Variants in PPIG observed in about 807,000 individuals in gnomAD.
PPIG encodes the protein peptidylprolyl isomerase G, also known as peptidyl-prolyl cis-trans isomerase G.
PPIG carries 26 observed loss-of-function variants against 87.9 expected under a neutral mutation model. The observed-to-expected ratio is 0.30, with a 90% CI of 0.22 to 0.41. PPIG has a LOEUF of 0.41. Among genes scored for constraint, PPIG ranks in the 10% least tolerant of loss-of-function variants. The probability of loss-of-function intolerance (pLI) is 1.00; values close to 1 mark genes in which losing one functional copy is unlikely to be tolerated. For missense variants in PPIG, 722 were observed against 879.4 expected (o/e 0.82, Z 2.26); for synonymous variants, 308 against 276.5 (o/e 1.11, Z -1.13).
At chr2:169,607,005 C>A in intron 5 of PPIG, 99 bp from the exon 6 acceptor site, 6 of 766,680 alleles carry the variant, frequency 7.8e-6, no homozygotes, top group South Asian at 3.5e-5. Flanking sequence ...ATTGTTAATT[C>A]AAAATTATTC....
chr2:169,585,516 C>T (rs1484453043), intron 1 of PPIG, among the ~76,000 whole-genome samples: 1 of 152,054 alleles, frequency 6.6e-6, no homozygotes, highest in African/African-American at 2.4e-5. Context: ...ACCTCGGCCT[C>T]CCAAAGTGCT....
intron 9 of PPIG, among the ~76,000 whole-genome samples, chr2:169,626,854 C>T (rs921984858): frequency 1.3e-5 from 2 of 151,458 alleles, no homozygotes; most frequent in Non-Finnish European, 2.9e-5. Flanking sequence ...GAACTACAGG[C>T]GCCCATCACC....
intron 1 of PPIG, among the ~76,000 whole-genome samples, chr2:169,594,405 A>G (rs2105475602): frequency 6.6e-6 from 1 of 152,132 alleles, no homozygotes; most frequent in Admixed American, 6.5e-5. Flanking sequence ...AAATTGGAAA[A>G]CAAATACATT....
intron 9 of PPIG, 92 bp downstream of exon 9, chr2:169,614,816 T>C: frequency 7.3e-7 from 1 of 1,378,180 alleles, no homozygotes. Context: ...ATACTCAAGC[T>C]GAAAGAAAAA....
intron 12 of PPIG, chr2:169,633,540 T>C (rs1686111708): frequency 6.4e-6 from 3 of 465,670 alleles, no homozygotes; most frequent in Admixed American, 4.0e-5. Context: ...TTGTTAAAAA[T>C]AAATAAAAAT....
At chr2:169,627,139 C>T (rs1299062944) in intron 9 of PPIG, among the ~76,000 whole-genome samples, 1 of 152,220 alleles carries the variant, frequency 6.6e-6, no homozygotes. Context: ...TGCTTTGTCT[C>T]CCAGGCTGGA....
chr2:169,632,027 C>G lies in PPIG; in HGVS notation c.929+94C>G, dbSNP rs538161046. ...TTTTAAACAAGATTTAATTGGTGAC[C>G]TTGTCCCAAGATTGAAATCTTTTTT... On this transcript the variant is annotated intron_variant, in intron 11 of 13. Transcript: ENST00000260970. 11 of 1,311,616 alleles carry G rather than the reference C, an allele frequency of 8.4e-6. No homozygotes were observed. The Admixed American group carries it at 3.3e-4, about 40-fold the overall frequency. The allele number at this position is 1,311,616 out of a possible 1,614,324, so 81.2% of individuals were successfully genotyped here.
chr2:169,637,173 A>G lies in PPIG; in HGVS notation c.1915A>G (p.Arg639Gly), dbSNP rs1686203738. 2 of 1,613,212 alleles carry G rather than the reference A, an allele frequency of 1.2e-6. No homozygotes were observed. Among genetic ancestry groups the G allele is most frequent in the Middle Eastern group, 1.7e-4 (1 of 6,060 alleles). Reference sequence around the variant, plus strand: ...CTCAGAGAGAGAAGAAAGTCAAAGCAGAAACAAAGACAAATACAGAAACCA... The same window carrying G: ...CTCAGAGAGAGAAGAAAGTCAAAGCGGAAACAAAGACAAATACAGAAACCA... ...RSSEREESQS[R>G]NKDKYRNQES... Residue 639 changes from arginine (R) to glycine (G), a missense_variant, in exon 14 of 14, where the codon AGA becomes GGA. Arg to Gly is a moderately radical substitution (Grantham distance 125). This residue lies in a region of PPIG where 476 missense variants were observed against 483.1 expected (regional missense o/e 0.99). Coordinates refer to ENST00000260970, the MANE Select transcript of PPIG (RefSeq NM_004792.3).
At chr2:169,618,217 T>C (rs1194147148) in intron 9 of PPIG, among the ~76,000 whole-genome samples, 1 of 152,208 alleles carries the variant, frequency 6.6e-6, no homozygotes, top group Non-Finnish European at 1.5e-5. Context: ...TTAATCGTGG[T>C]GGATAAGCTT....
At chr2:169,633,980 C>T (rs1419714945) in intron 12 of PPIG, among the ~76,000 whole-genome samples, 1 of 151,906 alleles carries the variant, frequency 6.6e-6, no homozygotes, top group East Asian at 1.9e-4. Flanking sequence ...AGGCACATGC[C>T]ACCATGCCCG....
At chr2:169,618,714 T>C (rs1240260350) in intron 9 of PPIG, among the ~76,000 whole-genome samples, 1 of 152,174 alleles carries the variant, frequency 6.6e-6, no homozygotes, top group Non-Finnish European at 1.5e-5. Flanking sequence ...CTTTATCATT[T>C]TTTATTGTGT....
intron 1 of PPIG, among the ~76,000 whole-genome samples, chr2:169,599,957 ATTTAC>A (rs1188726642): frequency 3.9e-5 from 6 of 151,974 alleles, no homozygotes; most frequent in Non-Finnish European, 8.8e-5. Context: ...TATCTCCATT[ATTTAC>A]TTCATTAGTG....
At chr2:169,618,586 G>A (rs1685663131) in intron 9 of PPIG, among the ~76,000 whole-genome samples, 1 of 152,174 alleles carries the variant, frequency 6.6e-6, no homozygotes, top group South Asian at 2.1e-4. Flanking sequence ...TCTTGGAAGG[G>A]TGTATGTGTC....
intron 4 of PPIG, 47 bp downstream of exon 4, chr2:169,604,308 T>TGGCG: frequency 9.8e-7 from 1 of 1,023,470 alleles, no homozygotes; most frequent in Non-Finnish European, 1.4e-6. Flanking sequence ...CAGTTGACTA[T>TGGCG]GGCTTGCTTG....
Position 169,630,906 on chromosome 2 carries a change from CAAAGA to C in PPIG, c.689_693del (p.Arg230LysfsTer26). On this transcript the variant is annotated frameshift_variant, in exon 10 of 14. Transcript: ENST00000260970. LOFTEE classifies it high-confidence loss of function. ...TCCGAAAGTGCTACTGAAGAGAAAT[CAAAGA>C]AAAGAAAAAAGAAACATCGGAAAAA... 6.2e-7 allele frequency: 1 copy of C among 1,601,528 alleles called. No homozygotes were observed. Among genetic ancestry groups the C allele is most frequent in the Non-Finnish European group, 8.5e-7 (1 of 1,176,792 alleles).
rs1043926184 is a variant in PPIG at position 169,641,336 on chromosome 2, A to C, written c.*3813A>C. 1 of 152,204 alleles carries C rather than the reference A, an allele frequency of 6.6e-6. No individual in the cohort carries two copies. The highest frequency in any genetic ancestry group is 2.4e-5 in the African/African-American group (1 of 41,458). The allele number at this position is 152,204 out of a possible 1,614,324, so 9.4% of individuals were successfully genotyped here. A position where few individuals can be genotyped will look rare whatever the true frequency, so the allele number is the denominator to read the frequency against. Reference sequence around the variant, plus strand: ...ACTTTTCTGCAAACTGCATTTTACAAAATTGAAACTTGGAAGCTGTATTAA... The same window carrying C: ...ACTTTTCTGCAAACTGCATTTTACACAATTGAAACTTGGAAGCTGTATTAA... On this transcript the variant is annotated 3_prime_UTR_variant, in exon 14 of 14. Coordinates refer to ENST00000260970, the MANE Select transcript of PPIG (RefSeq NM_004792.3).
intron 1 of PPIG, 144 bp downstream of exon 1, chr2:169,584,634 C>G (rs1684647302): frequency 7.2e-6 from 3 of 416,284 alleles, no homozygotes. Context: ...GGTATCGGGG[C>G]TGCTTGGGCC....
In PPIG at chr2:169,638,830, A is replaced by C. The variant is rs2105527578; in HGVS notation, c.*1307A>C. On this transcript the variant is annotated 3_prime_UTR_variant, in exon 14 of 14. Coordinates refer to ENST00000260970, the MANE Select transcript of PPIG (RefSeq NM_004792.3). ...GCCTTTTATTCTGTAATCTCTTCTA[A>C]ATAAAACATTGAACATCCAGCAAAC... The C allele has an allele frequency of 6.6e-6, 1 of 152,074 alleles. No homozygotes were observed. Among genetic ancestry groups the C allele is most frequent in the Non-Finnish European group, 1.5e-5 (1 of 67,892 alleles). 9.4% of individuals were successfully genotyped at this position (152,074 alleles called of 1,614,324 possible). A position where few individuals can be genotyped will look rare whatever the true frequency, so the allele number is the denominator to read the frequency against.
In PPIG at chr2:169,638,757, T is replaced by C. The variant is rs899590382; in HGVS notation, c.*1234T>C. The stretch of plus-strand genomic sequence containing the variant: ...AGTTAAACACTAAACATATCCAAAG[T>C]CCATTTAGAGTTTTGGGTGTTGTAT... On this transcript the variant is annotated 3_prime_UTR_variant, in exon 14 of 14. Coordinates refer to ENST00000260970, the MANE Select transcript of PPIG (RefSeq NM_004792.3). 2 of 152,000 alleles carry C rather than the reference T, an allele frequency of 1.3e-5. No individual in the cohort carries two copies. Among genetic ancestry groups the C allele is most frequent in the African/African-American group, 4.8e-5 (2 of 41,428 alleles). 9.4% of individuals were successfully genotyped at this position (152,000 alleles called of 1,614,324 possible). A position where few individuals can be genotyped will look rare whatever the true frequency, so the allele number is the denominator to read the frequency against.
Sources: allele counts gnomAD v4.1 joint callset (sites outside exome capture counted in the v4.1 genomes callset), GRCh38; gene constraint gnomAD v4.1.1; regional missense constraint gnomAD v4.1.1; transcripts MANE v1.5; gene names NCBI Gene and HGNC (gene_info 2026-07-23, HGNC 2026-07-21).